The following PCCA variants were observed in gnomAD, a reference collection of about 807,000 sequenced individuals.
PCCA encodes the protein propionyl-CoA carboxylase subunit alpha.
A neutral mutation model predicts 101.3 loss-of-function variants in PCCA; 74 were observed. The observed-to-expected ratio is 0.73, with a 90% CI of 0.61 to 0.89. The LOEUF is 0.89. PCCA is among the 40% of genes least tolerant of loss of function. PCCA has a pLI of 0.00. For synonymous variants in PCCA, 294 were observed against 313.6 expected, an observed-to-expected ratio of 0.94 and a Z score of 0.66; for missense variants, 891 against 907.0, an observed-to-expected ratio of 0.98 and a Z score of 0.23.
At chr13:100,257,927 G>A (rs1050004449) in intron 9 of PCCA, among the ~76,000 whole-genome samples, 3 of 151,822 alleles carry the variant, frequency 2.0e-5, no homozygotes, top group Admixed American at 6.6e-5. Flanking sequence ...TGTTTTTACC[G>A]TATATTTTTA....
intron 22 of PCCA, among the ~76,000 whole-genome samples, chr13:100,526,681 C>T (rs891105409): frequency 3.3e-5 from 5 of 152,252 alleles, no homozygotes; most frequent in African/African-American, 1.2e-4. Flanking sequence ...CTGGACTTGC[C>T]CGTTTCAAAG....
At chr13:100,186,443 T>G (rs1291087627) in intron 6 of PCCA, among the ~76,000 whole-genome samples, 3 of 152,036 alleles carry the variant, frequency 2.0e-5, no homozygotes, top group Non-Finnish European at 4.4e-5. Flanking sequence ...TATAGTAATA[T>G]GGAAAGTACA....
At chr13:100,334,870 G>C (rs1224095850) in intron 17 of PCCA, among the ~76,000 whole-genome samples, 1 of 152,146 alleles carries the variant, frequency 6.6e-6, no homozygotes, top group Non-Finnish European at 1.5e-5. Flanking sequence ...AGAAATAATA[G>C]AGATTTTTTT....
At chr13:100,422,069 C>T (rs58914835) in intron 19 of PCCA, among the ~76,000 whole-genome samples, 1 of 47,354 alleles carries the variant, frequency 2.1e-5, no homozygotes, top group Admixed American at 2.3e-4. Flanking sequence ...CTTCTCTTTT[C>T]TTTTCTTTCT....
At chr13:100,212,817 C>T (rs2059296663) in intron 7 of PCCA, among the ~76,000 whole-genome samples, 1 of 151,918 alleles carries the variant, frequency 6.6e-6, no homozygotes, top group Non-Finnish European at 1.5e-5. Context: ...AGATCTTACC[C>T]ATTCTATCTA....
rs369790356 is a variant in PCCA at position 100,273,214 on chromosome 13, G to C, written c.933G>C (p.Glu311Asp). The change falls in exon 12 of 24, where the codon GAG (glutamate) becomes GAC (aspartate). Residue 311 changes from glutamate to aspartate, a missense_variant. Physicochemically the swap from Glu to Asp is conservative, Grantham distance 45 (BLOSUM62 2). Coordinates refer to ENST00000376285, the MANE Select transcript of PCCA (RefSeq NM_000282.4). ...TATGTAGCATTTTTTTGGATGCGGA[G>C]ACTCGAAGAGCGATGGGAGAACAAG... ...EEAPSIFLDA[E>D]TRRAMGEQAV... 17 of 1,613,310 alleles carry C rather than the reference G, an allele frequency of 1.1e-5. No homozygotes were observed. The highest frequency in any genetic ancestry group is 1.4e-5 in the Non-Finnish European group (17 of 1,179,322).
Position 100,435,529 on chromosome 13 carries a change from T to C in PCCA, c.1845+9798T>C, listed in dbSNP as rs138066787. ...CCGATTCATCCAGTCCGATCACGTG[T>C]ATTCATGTTCCTGGTTTTCATTGGT... is the stretch of plus-strand genomic sequence containing the variant. On this transcript the variant is annotated intron_variant, in intron 20 of 23. Coordinates refer to ENST00000376285, the MANE Select transcript of PCCA (RefSeq NM_000282.4). Among the ~76,000 whole-genome samples, 465 of 152,348 alleles carry C rather than the reference T, an allele frequency of 3.1e-3. 1 individual carries two copies. Among genetic ancestry groups the C allele is most frequent in the African/African-American group, 0.011 (442 of 41,578 alleles).
intron 12 of PCCA, among the ~76,000 whole-genome samples, chr13:100,275,463 A>G (rs867504833): frequency 6.6e-6 from 1 of 152,052 alleles, no homozygotes; most frequent in Non-Finnish European, 1.5e-5. Context: ...TTTGCGTGCT[A>G]TGGCTTTCTT....
chr13:100,145,011 A>C (rs919483403), intron 4 of PCCA, among the ~76,000 whole-genome samples: 1 of 152,224 alleles, frequency 6.6e-6, no homozygotes, highest in Non-Finnish European at 1.5e-5. Flanking sequence ...CTCAGTGTCC[A>C]TGAGGGAGCA....
intron 4 of PCCA, among the ~76,000 whole-genome samples, chr13:100,121,049 G>A (rs911152717): frequency 6.6e-6 from 1 of 151,116 alleles, no homozygotes; most frequent in Non-Finnish European, 1.5e-5. Context: ...TAAATTAGTT[G>A]CAAGTCTGTA....
intron 6 of PCCA, among the ~76,000 whole-genome samples, chr13:100,179,996 C>T (rs564198301): frequency 3.9e-5 from 6 of 152,094 alleles, no homozygotes; most frequent in Admixed American, 1.3e-4. Context: ...TGAGAAAACA[C>T]GTGGTACAAG....
At chr13:100,094,873 C>G (rs1214634297) in intron 1 of PCCA, among the ~76,000 whole-genome samples, 1 of 152,204 alleles carries the variant, frequency 6.6e-6, no homozygotes, top group Non-Finnish European at 1.5e-5. Flanking sequence ...CAGATGTGAG[C>G]CACCGTGCCT....
At chr13:100,237,964 T>A (rs1424081844) in intron 8 of PCCA, among the ~76,000 whole-genome samples, 8 of 145,884 alleles carry the variant, frequency 5.5e-5, no homozygotes, top group Admixed American at 3.5e-4. Flanking sequence ...TGAGACAGAC[T>A]TTTCACTCTT....
chr13:100,483,737 A>T (rs574027174), intron 21 of PCCA, among the ~76,000 whole-genome samples: 1 of 152,348 alleles, frequency 6.6e-6, no homozygotes, highest in East Asian at 1.9e-4. Context: ...CCCCATTTTA[A>T]TTGTTGCCAT....
rs545912312 is a variant in PCCA at position 100,423,668 on chromosome 13, A to G, written c.1747-1965A>G. Among the ~76,000 whole-genome samples, 9 of 152,324 alleles carry G rather than the reference A, an allele frequency of 5.9e-5. No individual in the cohort carries two copies. In the South Asian group the frequency reaches 1.9e-3, roughly 32 times the overall value. Reference sequence around the variant, plus strand: ...CTATCATCTTTGTCAGAGGCCCTCTACCTTTAGTAGTGGATGGTGGGAAGA... The same window carrying G: ...CTATCATCTTTGTCAGAGGCCCTCTGCCTTTAGTAGTGGATGGTGGGAAGA... On this transcript the variant is annotated intron_variant, in intron 19 of 23. Coordinates refer to ENST00000376285, the MANE Select transcript of PCCA (RefSeq NM_000282.4).
chr13:100,228,061 G>A (rs1007822402), intron 7 of PCCA, among the ~76,000 whole-genome samples: 1 of 151,812 alleles, frequency 6.6e-6, no homozygotes, highest in Admixed American at 6.6e-5. Flanking sequence ...TTTCACCCAG[G>A]CTGGAGTGCA....
chr13:100,484,714 C>T lies in PCCA; in HGVS notation c.1900-30713C>T, dbSNP rs184290659. 3.3e-5 allele frequency among the ~76,000 whole-genome samples: 5 copies of T among 152,304 alleles called. 1 individual carries two copies. Among genetic ancestry groups the T allele is most frequent in the African/African-American group, 1.2e-4 (5 of 41,572 alleles). On this transcript the variant is annotated intron_variant, in intron 21 of 23. Transcript: ENST00000376285. ...TAGAACTCAGAAGAAACTAATGGAG[C>T]TCTGAAAGAAACCATTGTTTTTTCC...
At chr13:100,504,825 C>T (rs1397083391) in intron 21 of PCCA, among the ~76,000 whole-genome samples, 4 of 151,828 alleles carry the variant, frequency 2.6e-5, no homozygotes, top group East Asian at 1.9e-4. Context: ...CCCAACTACT[C>T]GGGAGGCTGA....
chr13:100,473,353 A>G (rs1483738353), intron 21 of PCCA: 1 of 152,210 alleles, frequency 6.6e-6, no homozygotes, highest in Non-Finnish European at 1.5e-5. Flanking sequence ...ATGTCAAACT[A>G]CAGTTTTCTC....
Sources: gnomAD v4.1 joint callset for allele counts (sites outside exome capture counted in the v4.1 genomes callset) on GRCh38, gnomAD v4.1.1 for gene constraint, MANE v1.5 for transcripts, NCBI Gene and HGNC (gene_info 2026-07-23, HGNC 2026-07-21) for gene names.